PDE1C: variants seen among roughly 807,000 people sequenced by gnomAD.
The protein encoded by PDE1C is phosphodiesterase 1C.
PDE1C carries 62 observed loss-of-function variants against 93.1 expected under a neutral mutation model. The observed-to-expected ratio is 0.67, with a 90% CI of 0.54 to 0.82. PDE1C has a LOEUF of 0.82. Among genes scored for constraint, PDE1C ranks in the 40% least tolerant of loss-of-function variants. The probability of loss-of-function intolerance (pLI) is 0.00; values close to 1 mark genes in which losing one functional copy is unlikely to be tolerated. For synonymous variants in PDE1C, 325 were observed against 310.1 expected (o/e 1.05, Z -0.50); for missense variants, 742 against 884.6 (o/e 0.84, Z 2.04).
intron 1 of PDE1C, among the ~76,000 whole-genome samples, chr7:32,395,496 G>A (rs1488178278): frequency 3.9e-5 from 6 of 152,154 alleles, no homozygotes; most frequent in Admixed American, 3.9e-4. Flanking sequence ...GTGAGGTGGG[G>A]GGTAGTGGTA....
intron 6 of PDE1C, 148 bp downstream of exon 6, chr7:31,873,144 T>A (rs964203337): frequency 6.8e-6 from 4 of 584,212 alleles, no homozygotes; most frequent in African/African-American, 3.9e-5. Flanking sequence ...ACAGAGGAAT[T>A]CACAGCAGTG....
intron 2 of PDE1C, among the ~76,000 whole-genome samples, chr7:32,173,999 G>A (rs1199914785): frequency 6.6e-6 from 1 of 152,152 alleles, no homozygotes; most frequent in Non-Finnish European, 1.5e-5. Flanking sequence ...ATCAGTGGAA[G>A]GAAACAGATT....
At chr7:32,313,756 G>A (rs1783107682) in intron 1 of PDE1C, among the ~76,000 whole-genome samples, 1 of 146,614 alleles carries the variant, frequency 6.8e-6, no homozygotes, top group Non-Finnish European at 1.5e-5. Flanking sequence ...ACTGTCATGA[G>A]GTGGGGGGGA....
intron 2 of PDE1C, among the ~76,000 whole-genome samples, chr7:32,012,370 G>C (rs1425577751): frequency 2.6e-5 from 4 of 152,130 alleles, no homozygotes; most frequent in Admixed American, 6.5e-5. Context: ...AACTCACTGA[G>C]TGAGAACTCA....
At chr7:32,107,290 GAGGGAGGGAGGAAAGGAAGGAAAGAAGGA>G (rs1410529518) in intron 3 of PDE1C, among the ~76,000 whole-genome samples, 5 of 149,018 alleles carry the variant, frequency 3.4e-5, no homozygotes, top group African/African-American at 4.9e-5. Flanking sequence ...GGGAAGGAGG[GAGGGAGGGAGGAAAGGAAGGAAAGAAGGA>G]AGGGAGGGAG....
intron 2 of PDE1C, among the ~76,000 whole-genome samples, chr7:31,991,841 ACTTAACAACCTGCTTCCTTTTCC>A (rs1474948761): frequency 3.9e-5 from 6 of 152,260 alleles, no homozygotes; most frequent in Non-Finnish European, 7.3e-5. Flanking sequence ...CTAGTAGCAT[ACTTAACAACCTGCTTCCTTTTCC>A]CTGGACACAG....
chr7:32,373,002 A>T (rs1300797564), intron 1 of PDE1C, among the ~76,000 whole-genome samples: 3 of 152,234 alleles, frequency 2.0e-5, no homozygotes. Flanking sequence ...ACCCTAACAT[A>T]TTGTTAATGC....
chr7:31,625,319 ACT>A, the PDE1C span, among the ~76,000 whole-genome samples: 903 of 151,634 alleles, frequency 6.0e-3, 10 homozygotes, highest in African/African-American at 0.02. Context: ...AGACACATGC[ACT>A]CATATGTTTA....
chr7:31,891,234 C>T (rs1399437757), intron 2 of PDE1C, among the ~76,000 whole-genome samples: 1 of 152,078 alleles, frequency 6.6e-6, no homozygotes, highest in East Asian at 1.9e-4. Context: ...TTCCAATTGT[C>T]CAGAAGCCAT....
At chr7:31,866,663 T>C (rs1795336657) in intron 6 of PDE1C, among the ~76,000 whole-genome samples, 1 of 152,108 alleles carries the variant, frequency 6.6e-6, no homozygotes, top group Non-Finnish European at 1.5e-5. Flanking sequence ...AAATAGCAAG[T>C]AGATAATCAC....
chr7:31,690,496 AG>A, the PDE1C span, among the ~76,000 whole-genome samples: 3 of 152,208 alleles, frequency 2.0e-5, no homozygotes, highest in African/African-American at 7.2e-5. Flanking sequence ...ACTTGTGTGG[AG>A]AGGGGGCAAA....
intron 2 of PDE1C, among the ~76,000 whole-genome samples, chr7:31,927,944 C>T (rs776465445): frequency 3.9e-5 from 6 of 152,126 alleles, no homozygotes; most frequent in South Asian, 2.1e-4. Flanking sequence ...ATGAGTTTGA[C>T]GAATTAACAG....
At chr7:31,913,014 T>G (rs1245636492) in intron 2 of PDE1C, among the ~76,000 whole-genome samples, 1 of 152,210 alleles carries the variant, frequency 6.6e-6, no homozygotes, top group Admixed American at 6.6e-5. Context: ...TTTCATATTT[T>G]AACCTGTAGT....
Position 31,879,163 on chromosome 7 carries a change from T to C in PDE1C, c.258A>G (p.Thr86=). 6.2e-7 allele frequency: 1 copy of C among 1,613,634 alleles called. No homozygotes were observed. The highest frequency in any genetic ancestry group is 8.5e-7 in the Non-Finnish European group (1 of 1,179,912). Residue 86 remains threonine, a synonymous_variant, in exon 4 of 18, where the codon ACA becomes ACG. Transcript: ENST00000396191. ...ACTGAATGTCACTGAGCTCATCCTCTGTATCCAGGAGTCTCCTGAACACAA... is the reference window on the plus strand; with the variant it reads ...ACTGAATGTCACTGAGCTCATCCTCCGTATCCAGGAGTCTCCTGAACACAA... ...YIDETRRLLD[T]EDELSDIQSD...
chr7:31,703,563 T>G, the PDE1C span, among the ~76,000 whole-genome samples: 1 of 152,266 alleles, frequency 6.6e-6, no homozygotes, highest in Admixed American at 6.5e-5. Flanking sequence ...CTAGCTTTCA[T>G]TACCATATTA....
chr7:31,893,033 A>T (rs1421699949), intron 2 of PDE1C, among the ~76,000 whole-genome samples: 1 of 152,166 alleles, frequency 6.6e-6, no homozygotes, highest in Non-Finnish European at 1.5e-5. Context: ...ATAAATATAT[A>T]CAATTATTGT....
At chr7:31,689,292 C>CA in the PDE1C span, among the ~76,000 whole-genome samples, 3 of 152,270 alleles carry the variant, frequency 2.0e-5, no homozygotes, top group South Asian at 6.2e-4. Flanking sequence ...AAAACACCCC[C>CA]AAATGTGAAG....
At chr7:32,076,578 G>A (rs1796365994) in intron 3 of PDE1C, among the ~76,000 whole-genome samples, 1 of 151,192 alleles carries the variant, frequency 6.6e-6, no homozygotes, top group Non-Finnish European at 1.5e-5. Context: ...GGGAGGCGGA[G>A]GTTGCAGTGA....
At chr7:31,889,917 T>C (rs1798414059) in intron 2 of PDE1C, among the ~76,000 whole-genome samples, 1 of 152,212 alleles carries the variant, frequency 6.6e-6, no homozygotes, top group South Asian at 2.1e-4. Flanking sequence ...TAAGTGTTTC[T>C]TAAAAACCAG....
Sources: gnomAD v4.1 joint callset for allele counts (sites outside exome capture counted in the v4.1 genomes callset) on GRCh38, gnomAD v4.1.1 for gene constraint, MANE v1.5 for transcripts, NCBI Gene and HGNC (gene_info 2026-07-23, HGNC 2026-07-21) for gene names.